CCDC28A: variants seen among roughly 807,000 people sequenced by gnomAD.
CCDC28A encodes the protein coiled-coil domain containing 28A, also known as coiled-coil domain-containing protein 28A.
Under a neutral mutation model 22.1 loss-of-function variants are expected in CCDC28A, and 24 were observed. The observed-to-expected ratio is 1.09, with a 90% CI of 0.79 to 1.53. The LOEUF (loss-of-function observed/expected upper bound fraction) is 1.53. CCDC28A is among the 40% of genes most tolerant of loss of function. CCDC28A has a pLI of 0.00. For missense variants in CCDC28A, 170 were observed against 210.7 expected, an observed-to-expected ratio of 0.81 and a Z score of 1.20; for synonymous variants, 83 against 74.7, an observed-to-expected ratio of 1.11 and a Z score of -0.57.
At chr6:138,786,356 T>C (rs547807543) in intron 4 of CCDC28A, among the ~76,000 whole-genome samples, 1 of 152,378 alleles carries the variant, frequency 6.6e-6, no homozygotes, top group South Asian at 2.1e-4. Context: ...AGTATGATTG[T>C]TACACTGAGA....
At position 138,783,348 on chromosome 6, in the gene CCDC28A, G is replaced by C. The variant is rs1775047573; in HGVS notation, c.323-1879G>C. 2.8e-5 allele frequency among the ~76,000 whole-genome samples: 4 copies of C among 141,272 alleles called. 1 individual carries two copies. The South Asian group carries it at 9.3e-4, about 33-fold the overall frequency. 92.7% of individuals were successfully genotyped at this position (141,272 alleles called of 152,430 possible). On this transcript the variant is annotated intron_variant, in intron 3 of 5. Coordinates refer to ENST00000617445, the MANE Select transcript of CCDC28A (RefSeq NM_015439.3). Reference sequence around the variant, plus strand: ...AGTGGTATGATCACAGCTCACTGCAGCCTCGGCCTCCTTGAGCTCAAGCCA... The same window carrying C: ...AGTGGTATGATCACAGCTCACTGCACCCTCGGCCTCCTTGAGCTCAAGCCA...
chr6:138,785,649 T>C (rs539339312), intron 4 of CCDC28A, among the ~76,000 whole-genome samples: 41 of 152,344 alleles, frequency 2.7e-4, no homozygotes, highest in African/African-American at 9.6e-4. Context: ...AGTGGAATTA[T>C]GCAGTATGTG....
At chr6:138,783,821 G>A (rs548852906) in intron 3 of CCDC28A, among the ~76,000 whole-genome samples, 1 of 150,402 alleles carries the variant, frequency 6.6e-6, no homozygotes, top group African/African-American at 2.5e-5. Context: ...TCACACCTTG[G>A]CCTCTCAAAG....
intron 2 of CCDC28A, among the ~76,000 whole-genome samples, chr6:138,776,837 AAAT>A (rs139068992): frequency 0.01 from 1,527 of 152,246 alleles, 32 homozygotes; most frequent in African/African-American, 0.035. Flanking sequence ...TATTTCTAAA[AAAT>A]AATGGTGTCA....
In CCDC28A at chr6:138,788,394, CTT is replaced by C; in HGVS notation, c.500+8_500+9del. On this transcript the variant is annotated splice_region_variant and intron_variant, in intron 5 of 5. Transcript: ENST00000617445. ...GAAGAATTGAATTCTTCCATGTATCCTTTGTCTGCTATCAACAGTGAAAAGTT... is the reference window on the plus strand; with the variant it reads ...GAAGAATTGAATTCTTCCATGTATCCTGTCTGCTATCAACAGTGAAAAGTT... 8.0e-7 allele frequency: 1 copy of C among 1,245,558 alleles called. No individual in the cohort carries two copies. The highest frequency in any genetic ancestry group is 1.1e-6 in the Non-Finnish European group (1 of 905,836). 77.2% of individuals were successfully genotyped at this position (1,245,558 alleles called of 1,614,324 possible). A position where few individuals can be genotyped will look rare whatever the true frequency, so the allele number is the denominator to read the frequency against.
At position 138,773,871 on chromosome 6, in the gene CCDC28A, C is replaced by T. The variant is rs1367317854; in HGVS notation, c.-74C>T. ...GAGGCTGTCGGGTCTTTGCGGGTTG[C>T]GGAAGGGGGCCCCAATACCCTTCTT... On this transcript the variant is annotated 5_prime_UTR_variant, in exon 1 of 6. Transcript: ENST00000617445. 6 of 1,613,742 alleles carry T rather than the reference C, an allele frequency of 3.7e-6. No homozygotes were observed. The highest frequency in any genetic ancestry group is 1.7e-4 in the Middle Eastern group (1 of 5,920).
At chr6:138,786,102 CT>C (rs1775090954) in intron 4 of CCDC28A, among the ~76,000 whole-genome samples, 1 of 152,190 alleles carries the variant, frequency 6.6e-6, no homozygotes, top group Non-Finnish European at 1.5e-5. Flanking sequence ...GGCAGGGTTG[CT>C]TTTTTCTGAG....
intron 3 of CCDC28A, 91 bp from the exon 4 acceptor site, chr6:138,785,132 GTTTC>G (rs1775072290): frequency 1.5e-6 from 1 of 684,582 alleles, no homozygotes; most frequent in African/African-American, 1.8e-5. Flanking sequence ...AAGAAAACCT[GTTTC>G]TTTTAGAGCA....
At chr6:138,775,964 T>C (rs1774924455) in intron 1 of CCDC28A, 115 bp from the exon 2 acceptor site, 2 of 824,902 alleles carry the variant, frequency 2.4e-6, no homozygotes, top group Admixed American at 4.9e-5. Context: ...TCTAACTTTC[T>C]CTTATGCCCT....
intron 3 of CCDC28A, among the ~76,000 whole-genome samples, chr6:138,781,152 A>G (rs776338012): frequency 4.9e-4 from 75 of 152,308 alleles, no homozygotes; most frequent in Middle Eastern, 6.8e-3. Flanking sequence ...ATTATTTAAT[A>G]CAAATGGTAT....
chr6:138,782,579 A>T (rs1417430689), intron 3 of CCDC28A, among the ~76,000 whole-genome samples: 1 of 152,118 alleles, frequency 6.6e-6, no homozygotes, highest in Non-Finnish European at 1.5e-5. Context: ...CTACCTCTTT[A>T]TATTTTTACT....
chr6:138,781,373 A>G (rs866624691), intron 3 of CCDC28A, among the ~76,000 whole-genome samples: 1 of 152,348 alleles, frequency 6.6e-6, no homozygotes, highest in Middle Eastern at 3.4e-3. Flanking sequence ...CATAGTCAAC[A>G]TCTTTTTACA....
At chr6:138,774,530 C>T (rs991707849) in intron 1 of CCDC28A, among the ~76,000 whole-genome samples, 2 of 152,182 alleles carry the variant, frequency 1.3e-5, no homozygotes, top group African/African-American at 4.8e-5. Context: ...AGTGGATTGA[C>T]ACCCAGTGGT....
chr6:138,774,255 C>T (rs1366410124), intron 1 of CCDC28A, among the ~76,000 whole-genome samples: 1 of 152,154 alleles, frequency 6.6e-6, no homozygotes, highest in Non-Finnish European at 1.5e-5. Context: ...GTTTAGACCA[C>T]CACTGGTTTA....
At chr6:138,775,071 C>G (rs1774907140) in intron 1 of CCDC28A, among the ~76,000 whole-genome samples, 1 of 152,228 alleles carries the variant, frequency 6.6e-6, no homozygotes, top group Non-Finnish European at 1.5e-5. Context: ...TCCTGAGTAG[C>G]TGGGACTACA....
chr6:138,783,352 C>T lies in CCDC28A; in HGVS notation c.323-1875C>T, dbSNP rs150810996. The stretch of plus-strand genomic sequence containing the variant: ...GTATGATCACAGCTCACTGCAGCCT[C>T]GGCCTCCTTGAGCTCAAGCCATCCT... On this transcript the variant is annotated intron_variant, in intron 3 of 5. Coordinates refer to ENST00000617445, the MANE Select transcript of CCDC28A (RefSeq NM_015439.3). Among the ~76,000 whole-genome samples, 105 of 147,372 alleles carry T rather than the reference C, an allele frequency of 7.1e-4. 1 individual carries two copies. In the East Asian group the frequency reaches 0.018, roughly 26 times the overall value.
Position 138,787,634 on chromosome 6 carries a change from TG to T in CCDC28A, c.478-730del, listed in dbSNP as rs369299532. 1.5e-3 allele frequency among the ~76,000 whole-genome samples: 223 copies of T among 152,340 alleles called. 1 individual carries two copies. The highest frequency in any genetic ancestry group is 4.9e-3 in the African/African-American group (203 of 41,578). ...TATTAGAGATGATTGTTATTATGCC[TG>T]GTTTTAGGAATACTTATAAAACTCC... On this transcript the variant is annotated intron_variant, in intron 4 of 5. Coordinates refer to ENST00000617445, the MANE Select transcript of CCDC28A (RefSeq NM_015439.3).
At position 138,773,792 on chromosome 6, in the gene CCDC28A, A is replaced by C; in HGVS notation, c.-153A>C. 1 of 1,613,708 alleles carries C rather than the reference A, an allele frequency of 6.2e-7. No individual in the cohort carries two copies. Among genetic ancestry groups the C allele is most frequent in the Non-Finnish European group, 8.5e-7 (1 of 1,179,830 alleles). On this transcript the variant is annotated 5_prime_UTR_variant, in exon 1 of 6. Coordinates refer to ENST00000617445, the MANE Select transcript of CCDC28A (RefSeq NM_015439.3). ...CCGTAAACAAACGGAGCTGCGGAGG[A>C]GCGGGTCCCGGGATGTGACCGGGGC... is the stretch of plus-strand genomic sequence containing the variant.
intron 2 of CCDC28A, among the ~76,000 whole-genome samples, chr6:138,777,814 A>G (rs1182897748): frequency 6.6e-6 from 1 of 152,220 alleles, no homozygotes; most frequent in Non-Finnish European, 1.5e-5. Context: ...AAAACTTCCA[A>G]ATTTGAGAGG....
Sources: allele counts gnomAD v4.1 joint callset (sites outside exome capture counted in the v4.1 genomes callset), GRCh38; gene constraint gnomAD v4.1.1; transcripts MANE v1.5; gene names NCBI Gene and HGNC (gene_info 2026-07-23, HGNC 2026-07-21).